Variants in GALNT17 observed in about 807,000 individuals in gnomAD.
GALNT17 encodes UDP-GalNAc:polypeptide N-acetylgalactosaminyltransferase-like 3.
In GALNT17, 29 loss-of-function variants were observed where a neutral mutation model predicts 63.7. That is an observed-to-expected ratio of 0.46 (90% CI 0.34 to 0.62). The LOEUF (loss-of-function observed/expected upper bound fraction) is 0.62. Among genes scored for constraint, GALNT17 ranks in the 20% least tolerant of loss-of-function variants. GALNT17 has a pLI of 0.01. For missense variants in GALNT17, 603 were observed against 799.6 expected (o/e 0.75, Z 2.97); for synonymous variants, 305 against 318.3 (o/e 0.96, Z 0.45).
At chr7:71,554,663 C>T (rs1172178927) in intron 5 of GALNT17, among the ~76,000 whole-genome samples, 2 of 152,178 alleles carry the variant, frequency 1.3e-5, no homozygotes, top group East Asian at 1.9e-4. Flanking sequence ...AATTGCCTCC[C>T]GCCAGAGTGC....
At chr7:71,520,260 A>G (rs1195493145) in intron 5 of GALNT17, among the ~76,000 whole-genome samples, 1 of 152,202 alleles carries the variant, frequency 6.6e-6, no homozygotes, top group Non-Finnish European at 1.5e-5. Flanking sequence ...AGGTGGGCTC[A>G]TGCCTGTAAT....
intron 6 of GALNT17, among the ~76,000 whole-genome samples, chr7:71,660,276 C>A (rs144245508): frequency 4.9e-4 from 74 of 152,296 alleles, no homozygotes; most frequent in African/African-American, 1.8e-3. Flanking sequence ...GCGGTGGGTT[C>A]TTTGCCTCCA....
chr7:71,450,212 C>T (rs1283377729), intron 5 of GALNT17, among the ~76,000 whole-genome samples: 5 of 150,916 alleles, frequency 3.3e-5, no homozygotes, highest in African/African-American at 1.2e-4. Flanking sequence ...CTCGGCTCAC[C>T]GCAAACTCTG....
At chr7:71,566,457 T>C (rs760248858) in intron 5 of GALNT17, among the ~76,000 whole-genome samples, 8 of 152,066 alleles carry the variant, frequency 5.3e-5, no homozygotes, top group Non-Finnish European at 1.0e-4. Context: ...TTGTAACTTA[T>C]CAGAATTGCT....
intron 2 of GALNT17, among the ~76,000 whole-genome samples, chr7:71,381,041 A>G (rs1284490550): frequency 6.6e-6 from 1 of 151,634 alleles, no homozygotes; most frequent in Non-Finnish European, 1.5e-5. Flanking sequence ...ACTCACTGCA[A>G]TCTCTGCCTC....
At chr7:71,252,069 G>A (rs1465466197) in intron 1 of GALNT17, among the ~76,000 whole-genome samples, 2 of 152,116 alleles carry the variant, frequency 1.3e-5, no homozygotes, top group Admixed American at 1.3e-4. Context: ...CTTCCGACAT[G>A]GGACATCACC....
chr7:71,594,135 C>T (rs1300339847), intron 6 of GALNT17, among the ~76,000 whole-genome samples: 1 of 151,872 alleles, frequency 6.6e-6, no homozygotes, highest in African/African-American at 2.4e-5. Context: ...ATTTGGGGCT[C>T]TTTTTGGAAC....
chr7:71,592,686 C>T (rs959337173), intron 6 of GALNT17, among the ~76,000 whole-genome samples: 1 of 152,168 alleles, frequency 6.6e-6, no homozygotes, highest in Non-Finnish European at 1.5e-5. Flanking sequence ...TAAAACGCCT[C>T]TGACATCTCT....
intron 5 of GALNT17, among the ~76,000 whole-genome samples, chr7:71,462,108 T>C (rs2116582883): frequency 6.6e-6 from 1 of 152,272 alleles, no homozygotes; most frequent in South Asian, 2.1e-4. Context: ...CAGAGGATTC[T>C]CCAGCTACTC....
At chr7:71,707,353 A>AT (rs1048264926) in intron 9 of GALNT17, among the ~76,000 whole-genome samples, 6 of 152,036 alleles carry the variant, frequency 3.9e-5, no homozygotes, top group South Asian at 2.1e-4. Context: ...GAATGAATGC[A>AT]TTTTTTTTAT....
chr7:71,154,663 G>A (rs1034514063), intron 1 of GALNT17, among the ~76,000 whole-genome samples: 27 of 152,030 alleles, frequency 1.8e-4, no homozygotes, highest in African/African-American at 6.0e-4. Context: ...TGCAAGCTCC[G>A]CCTCCCTGGT....
intron 5 of GALNT17, among the ~76,000 whole-genome samples, chr7:71,553,945 G>A (rs541550751): frequency 5.3e-5 from 8 of 152,330 alleles, no homozygotes; most frequent in South Asian, 2.1e-4. Flanking sequence ...TTGGGGCAAC[G>A]AGAGAGGTGT....
intron 1 of GALNT17, among the ~76,000 whole-genome samples, chr7:71,141,123 C>T (rs1787881997): frequency 6.6e-6 from 1 of 151,906 alleles, no homozygotes; most frequent in South Asian, 2.1e-4. Context: ...AATCCCAGCA[C>T]TTTGGGAGGC....
chr7:71,630,366 G>T (rs574632832), intron 6 of GALNT17, among the ~76,000 whole-genome samples: 2 of 152,296 alleles, frequency 1.3e-5, no homozygotes, highest in South Asian at 4.1e-4. Flanking sequence ...CATCCAGTCT[G>T]GATGAAGGTC....
At chr7:71,392,758 C>T (rs1049322980) in intron 3 of GALNT17, among the ~76,000 whole-genome samples, 4 of 152,098 alleles carry the variant, frequency 2.6e-5, no homozygotes, top group South Asian at 2.1e-4. Flanking sequence ...CCCAGGGGAC[C>T]GGGAGTTGAC....
chr7:71,416,856 A>C (rs942572858), intron 4 of GALNT17, among the ~76,000 whole-genome samples: 1 of 152,140 alleles, frequency 6.6e-6, no homozygotes, highest in Non-Finnish European at 1.5e-5. Flanking sequence ...GGTGAAGCGC[A>C]TTTTCTGCAG....
intron 2 of GALNT17, among the ~76,000 whole-genome samples, chr7:71,382,608 T>C (rs919441274): frequency 2.0e-5 from 3 of 152,092 alleles, no homozygotes; most frequent in African/African-American, 4.8e-5. Context: ...GAGGTGGTCC[T>C]CCTGGGCATC....
chr7:71,468,984 A>G (rs2116607400), intron 5 of GALNT17, among the ~76,000 whole-genome samples: 1 of 152,290 alleles, frequency 6.6e-6, no homozygotes, highest in East Asian at 1.9e-4. Flanking sequence ...AACGTTTATC[A>G]CATCCTTAAA....
chr7:71,580,197 G>A lies in GALNT17; in HGVS notation c.1080+8795G>A, dbSNP rs139861363. 2.4e-3 allele frequency among the ~76,000 whole-genome samples: 295 copies of A among 121,180 alleles called. 3 individuals carry two copies. Among genetic ancestry groups the A allele is most frequent in the Non-Finnish European group, 4.7e-3 (244 of 51,742 alleles). The allele number at this position is 121,180 out of a possible 152,430, so 79.5% of individuals were successfully genotyped here. ...TAGGTTAGATAGAGATGATGGATTC[G>A]ATAGATGATTGATGGATAGATAGAG... is the stretch of plus-strand genomic sequence containing the variant. On this transcript the variant is annotated intron_variant, in intron 6 of 10. Coordinates refer to ENST00000333538, the MANE Select transcript of GALNT17 (RefSeq NM_022479.3).
Sources: gnomAD v4.1 joint callset for allele counts (sites outside exome capture counted in the v4.1 genomes callset) on GRCh38, gnomAD v4.1.1 for gene constraint, MANE v1.5 for transcripts, NCBI Gene and HGNC (gene_info 2026-07-23, HGNC 2026-07-21) for gene names.